Variants in SCAI observed in about 807,000 individuals in gnomAD.
SCAI encodes protein SCAI.
Under a neutral mutation model 92.2 loss-of-function variants are expected in SCAI, and 24 were observed. The ratio of observed to expected loss-of-function variants is 0.26; its 90% CI spans 0.19 to 0.37. The LOEUF (loss-of-function observed/expected upper bound fraction) is 0.37. Among genes scored for constraint, SCAI ranks in the 10% least tolerant of loss-of-function variants. The pLI is 1.00. For missense variants in SCAI, 450 were observed against 736.2 expected (o/e 0.61, Z 4.50); for synonymous variants, 261 against 258.6 (o/e 1.01, Z -0.09).
At chr9:125,051,083 T>C (rs1001345561) in intron 3 of SCAI, among the ~76,000 whole-genome samples, 12 of 152,250 alleles carry the variant, frequency 7.9e-5, no homozygotes, top group Admixed American at 6.5e-4. Flanking sequence ...AGTGCAGTGG[T>C]GTGATCGCAG....
rs1831200916 is a variant in SCAI, at chr9:124,949,461, C to A, written c.*3346G>T. 6.6e-6 allele frequency: 1 copy of A among 152,252 alleles called. No homozygotes were observed. Among genetic ancestry groups the A allele is most frequent in the Admixed American group, 6.5e-5 (1 of 15,284 alleles). The allele number at this position is 152,252 out of a possible 1,614,324, so 9.4% of individuals were successfully genotyped here. A position where few individuals can be genotyped will look rare whatever the true frequency, so the allele number is the denominator to read the frequency against. ...CTAATGAAGCCTACCCTGATCATCA[C>A]TTTTTCTTTTCTTTTTTTCCAGAGA... On this transcript the variant is annotated 3_prime_UTR_variant, in exon 18 of 18. Coordinates refer to ENST00000336505, the MANE Select transcript of SCAI (RefSeq NM_001144877.3). This position sits in a 1 kb window ranked among gnomAD's most constrained non-coding sequence, Gnocchi z 4.0.
At chr9:125,142,802 T>C (rs1835699258) in intron 1 of SCAI, 125 bp from the exon 2 acceptor site, 3 of 777,464 alleles carry the variant, frequency 3.9e-6, no homozygotes, top group Admixed American at 2.2e-5. Context: ...CAAGCCCAGA[T>C]CTGACCTTAC....
chr9:125,117,491 C>A (rs1019741259), intron 2 of SCAI, among the ~76,000 whole-genome samples: 13 of 151,946 alleles, frequency 8.6e-5, no homozygotes, highest in Admixed American at 3.9e-4. Context: ...CATGGTGAAA[C>A]CCTATCTCTA....
At chr9:124,990,573 G>C (rs1333097828) in intron 14 of SCAI, among the ~76,000 whole-genome samples, 1 of 152,036 alleles carries the variant, frequency 6.6e-6, no homozygotes, top group Non-Finnish European at 1.5e-5. Flanking sequence ...TGTGAGTTGG[G>C]GACAGAAAGA....
At chr9:125,099,835 C>T (rs1273221353) in intron 2 of SCAI, among the ~76,000 whole-genome samples, 1 of 152,196 alleles carries the variant, frequency 6.6e-6, no homozygotes, top group African/African-American at 2.4e-5. Flanking sequence ...GTGTCTTCAA[C>T]GTTCATCCAT....
intron 2 of SCAI, among the ~76,000 whole-genome samples, chr9:125,068,871 T>C (rs1410780504): frequency 6.6e-6 from 1 of 151,884 alleles, no homozygotes; most frequent in Non-Finnish European, 1.5e-5. Flanking sequence ...ACTGAAAAGG[T>C]AAACAGGCAG....
intron 12 of SCAI, 117 bp downstream of exon 12, chr9:125,001,848 A>C (rs1832367797): frequency 1.6e-6 from 1 of 632,342 alleles, no homozygotes; most frequent in Non-Finnish European, 2.8e-6. Flanking sequence ...ACCAGGTTTC[A>C]AATTTGGAAG....
At position 125,020,775 on chromosome 9, in the gene SCAI, G is replaced by A; in HGVS notation, c.513-6C>T. The stretch of plus-strand genomic sequence containing the variant: ...TCTTAACTACCAATTCAGGTCTATG[G>A]AAGATAAATGAAAAATTACTCATTA... On this transcript the variant is annotated splice_polypyrimidine_tract_variant and splice_region_variant and intron_variant, in intron 6 of 17. Transcript: ENST00000336505. 8.0e-7 allele frequency: 1 copy of A among 1,249,650 alleles called. No individual in the cohort carries two copies. Among genetic ancestry groups the A allele is most frequent in the East Asian group, 2.5e-5 (1 of 39,536 alleles). 77.4% of individuals were successfully genotyped at this position (1,249,650 alleles called of 1,614,324 possible).
rs538899828 is a variant in SCAI, at chr9:125,141,700, G to C, written c.98+933C>G. Among the ~76,000 whole-genome samples the C allele has an allele frequency of 3.9e-5, 6 of 152,250 alleles. No individual in the cohort carries two copies. In the East Asian group the frequency reaches 9.6e-4, roughly 24 times the overall value. ...TTATTAGCAGCATTATGGTATAACAGTTAAGAGCTTAAGCTCTGGAGTCAG... is the reference window on the plus strand; with the variant it reads ...TTATTAGCAGCATTATGGTATAACACTTAAGAGCTTAAGCTCTGGAGTCAG... On this transcript the variant is annotated intron_variant, in intron 2 of 17. Coordinates refer to ENST00000336505, the MANE Select transcript of SCAI (RefSeq NM_001144877.3).
At chr9:125,067,155 A>G (rs1463283423) in intron 2 of SCAI, among the ~76,000 whole-genome samples, 1 of 152,234 alleles carries the variant, frequency 6.6e-6, no homozygotes, top group African/African-American at 2.4e-5. Flanking sequence ...ATGGGTAAAC[A>G]TATCACAAGA....
Position 124,980,697 on chromosome 9 carries a change from C to T in SCAI, c.1327-4511G>A, listed in dbSNP as rs534719296. Among the ~76,000 whole-genome samples, 23 of 152,202 alleles carry T rather than the reference C, an allele frequency of 1.5e-4. No homozygotes were observed. In the South Asian group the frequency reaches 4.2e-3, roughly 27 times the overall value. ...TAATTAAGTGTATCCTGTGTGACTC[C>T]GCTGGAAGAGGGCCCCTGGAAGTTT... On this transcript the variant is annotated intron_variant, in intron 14 of 17. Transcript: ENST00000336505.
intron 17 of SCAI, chr9:124,968,638 T>C (rs911155813): frequency 9.9e-7 from 1 of 1,011,620 alleles, no homozygotes; most frequent in Non-Finnish European, 1.6e-6. Flanking sequence ...TCCGCTAGTC[T>C]TTCATAGGTG....
At chr9:125,104,056 T>C (rs1017226763) in intron 2 of SCAI, among the ~76,000 whole-genome samples, 1 of 152,190 alleles carries the variant, frequency 6.6e-6, no homozygotes, top group Admixed American at 6.5e-5. Context: ...CCTTCACATA[T>C]AGTTGGTAAT....
intron 3 of SCAI, among the ~76,000 whole-genome samples, chr9:125,050,823 G>A (rs779743023): frequency 2.6e-5 from 4 of 151,942 alleles, no homozygotes; most frequent in South Asian, 2.1e-4. Context: ...TCCTGCCTTC[G>A]CCTCCCAAAG....
chr9:125,027,147 C>G (rs1177747469), intron 5 of SCAI, among the ~76,000 whole-genome samples: 1 of 152,024 alleles, frequency 6.6e-6, no homozygotes, highest in East Asian at 1.9e-4. Context: ...GATGCCAACC[C>G]ATATTACACA....
chr9:125,040,994 A>G (rs1353253968), intron 3 of SCAI, among the ~76,000 whole-genome samples: 8 of 152,172 alleles, frequency 5.3e-5, no homozygotes, highest in African/African-American at 1.7e-4. Context: ...ATAGCTACAC[A>G]ATATGAATGA....
At chr9:125,134,707 G>A (rs1290585713) in intron 2 of SCAI, among the ~76,000 whole-genome samples, 1 of 152,048 alleles carries the variant, frequency 6.6e-6, no homozygotes, top group Non-Finnish European at 1.5e-5. Flanking sequence ...ATGGAGTTTC[G>A]CTCTTGTTGC....
chr9:125,101,792 AGT>A (rs1442581440), intron 2 of SCAI, among the ~76,000 whole-genome samples: 1 of 152,226 alleles, frequency 6.6e-6, no homozygotes, highest in Non-Finnish European at 1.5e-5. Flanking sequence ...TGTATTTCTC[AGT>A]GTGTTTGTTA....
intron 2 of SCAI, among the ~76,000 whole-genome samples, chr9:125,138,468 G>A (rs911290568): frequency 1.3e-5 from 2 of 151,846 alleles, no homozygotes; most frequent in Admixed American, 1.3e-4. Flanking sequence ...AGGCTGGAGT[G>A]CAGTGGTATG....
Sources: gnomAD v4.1 joint callset for allele counts (sites outside exome capture counted in the v4.1 genomes callset) on GRCh38, gnomAD v4.1.1 for gene constraint, Gnocchi (gnomAD v3.1) non-coding constraint, MANE v1.5 for transcripts, NCBI Gene and HGNC (gene_info 2026-07-23, HGNC 2026-07-21) for gene names.